The following SYNPR variants were observed in gnomAD, a reference collection of about 807,000 sequenced individuals.
SYNPR encodes the protein synaptoporin.
Under a neutral mutation model 32.9 loss-of-function variants are expected in SYNPR, and 23 were observed. The observed-to-expected ratio is 0.70, with a 90% confidence interval of 0.50 to 0.99. The LOEUF (loss-of-function observed/expected upper bound fraction) is 0.99. Ranked by LOEUF, SYNPR falls within the 50% of genes least tolerant of loss-of-function variation. The probability of loss-of-function intolerance (pLI) is 0.00; values close to 1 mark genes in which losing one functional copy is unlikely to be tolerated. For synonymous variants in SYNPR, 146 were observed against 135.9 expected (o/e 1.07, Z -0.52); for missense variants, 318 against 349.3 (o/e 0.91, Z 0.71).
chr3:63,350,000 G>T (rs1335699047), intron 2 of SYNPR, among the ~76,000 whole-genome samples: 3 of 152,104 alleles, frequency 2.0e-5, no homozygotes, highest in African/African-American at 7.2e-5. Flanking sequence ...TCCTGGCATT[G>T]TATTTCTAAA....
chr3:63,532,560 C>G (rs551652583), intron 3 of SYNPR, among the ~76,000 whole-genome samples: 1 of 152,312 alleles, frequency 6.6e-6, no homozygotes, highest in South Asian at 2.1e-4. Flanking sequence ...TGAGAACAAG[C>G]TGCAGGCTTC....
chr3:63,530,605 G>A (rs1702095017), intron 3 of SYNPR, among the ~76,000 whole-genome samples: 1 of 152,146 alleles, frequency 6.6e-6, no homozygotes, highest in South Asian at 2.1e-4. Context: ...TTCTAGGGGT[G>A]CTTCTCAAGT....
At chr3:63,530,993 C>T (rs144354090) in intron 3 of SYNPR, among the ~76,000 whole-genome samples, 1 of 152,122 alleles carries the variant, frequency 6.6e-6, no homozygotes, top group East Asian at 1.9e-4. Context: ...GACTCCTGGG[C>T]TCTGGTCCTG....
At chr3:63,412,939 C>T (rs2088486810) in intron 2 of SYNPR, among the ~76,000 whole-genome samples, 2 of 152,242 alleles carry the variant, frequency 1.3e-5, no homozygotes, top group South Asian at 4.2e-4. Flanking sequence ...TGAGAAATGT[C>T]ACTCAAATTC....
chr3:63,491,576 AATG>A (rs1198388925), intron 3 of SYNPR, among the ~76,000 whole-genome samples: 1 of 152,128 alleles, frequency 6.6e-6, no homozygotes, highest in Non-Finnish European at 1.5e-5. Flanking sequence ...GCTGGAGGGC[AATG>A]GTGCAATCTG....
At chr3:63,401,032 A>T (rs1303123284) in intron 2 of SYNPR, among the ~76,000 whole-genome samples, 1 of 151,794 alleles carries the variant, frequency 6.6e-6, no homozygotes, top group South Asian at 2.1e-4. Context: ...GATGCAATAC[A>T]CAAAAAAGGT....
intron 2 of SYNPR, among the ~76,000 whole-genome samples, chr3:63,385,912 T>C (rs772919229): frequency 1.3e-5 from 2 of 152,220 alleles, no homozygotes; most frequent in African/African-American, 2.4e-5. Context: ...CTAAAAGTTT[T>C]GCATAGACTA....
intron 2 of SYNPR, among the ~76,000 whole-genome samples, chr3:63,439,916 T>C (rs1700139207): frequency 6.6e-6 from 1 of 152,216 alleles, no homozygotes; most frequent in Non-Finnish European, 1.5e-5. Context: ...CAAATCTTTA[T>C]TGAACACCTA....
intron 3 of SYNPR, among the ~76,000 whole-genome samples, chr3:63,547,800 C>T (rs986638002): frequency 1.3e-5 from 2 of 152,232 alleles, no homozygotes; most frequent in Non-Finnish European, 1.5e-5. Flanking sequence ...CTCCATTTCT[C>T]GGCCCTACTT....
chr3:63,252,246 G>A (rs1307984458), intron 1 of SYNPR, among the ~76,000 whole-genome samples: 1 of 152,094 alleles, frequency 6.6e-6, no homozygotes, highest in African/African-American at 2.4e-5. Flanking sequence ...TAGAGACTGA[G>A]ATGTTTCATT....
At chr3:63,249,048 C>G (rs1477414375) in intron 1 of SYNPR, among the ~76,000 whole-genome samples, 1 of 152,012 alleles carries the variant, frequency 6.6e-6, no homozygotes, top group Non-Finnish European at 1.5e-5. Flanking sequence ...GTGTAATTTG[C>G]CTTCCCAAAC....
intron 2 of SYNPR, among the ~76,000 whole-genome samples, chr3:63,357,817 A>G (rs1160529154): frequency 1.3e-5 from 2 of 152,214 alleles, no homozygotes; most frequent in South Asian, 2.1e-4. Context: ...TTATGCTTAC[A>G]TGAATTAAAA....
intron 4 of SYNPR, among the ~76,000 whole-genome samples, chr3:63,595,752 TATA>T (rs1559546222): frequency 0.013 from 431 of 33,694 alleles, 23 homozygotes; most frequent in East Asian, 0.047. Flanking sequence ...TATATATATA[TATA>T]TATATATATA....
chr3:63,445,213 A>G (rs1388541329), intron 2 of SYNPR, among the ~76,000 whole-genome samples: 2 of 152,192 alleles, frequency 1.3e-5, no homozygotes, highest in Non-Finnish European at 2.9e-5. Flanking sequence ...ATATAAATTA[A>G]TGAAACTTGA....
intron 4 of SYNPR, among the ~76,000 whole-genome samples, chr3:63,604,080 A>G (rs1261294069): frequency 6.6e-6 from 1 of 151,866 alleles, no homozygotes; most frequent in African/African-American, 2.4e-5. Flanking sequence ...ATCTTGGGAA[A>G]TTTCCAGGAA....
At chr3:63,467,387 C>CTATTTTG (rs1371943272) in intron 2 of SYNPR, among the ~76,000 whole-genome samples, 3 of 152,294 alleles carry the variant, frequency 2.0e-5, no homozygotes, top group Non-Finnish European at 4.4e-5. Context: ...CTAGTATTTT[C>CTATTTTG]TAACAGCGAC....
intron 2 of SYNPR, among the ~76,000 whole-genome samples, chr3:63,296,752 T>A (rs62251352): frequency 0.29 from 44,001 of 152,044 alleles, 7,571 homozygotes; most frequent in Non-Finnish European, 0.39. Flanking sequence ...CTCAAATAAT[T>A]AATTCTACTC....
Position 63,473,592 on chromosome 3 carries a change from T to G in SYNPR, c.85-7240T>G, listed in dbSNP as rs139497073. On this transcript the variant is annotated intron_variant, in intron 2 of 5. Transcript: ENST00000478300. The stretch of plus-strand genomic sequence containing the variant: ...AAACACATACCTATATTTAAAAGTC[T>G]GCTCGTGTTAAAAAATAGAATAATG... 4.2e-3 allele frequency among the ~76,000 whole-genome samples: 637 copies of G among 152,308 alleles called. 2 individuals are homozygous for G. Among genetic ancestry groups the G allele is most frequent in the African/African-American group, 0.015 (610 of 41,576 alleles).
chr3:63,265,977 A>G (rs1261041287), intron 2 of SYNPR, among the ~76,000 whole-genome samples: 1 of 152,356 alleles, frequency 6.6e-6, no homozygotes, highest in East Asian at 1.9e-4. Context: ...TTTGCTATAG[A>G]GCAGGAAGAG....
Sources: gnomAD v4.1 joint callset for allele counts (sites outside exome capture counted in the v4.1 genomes callset) on GRCh38, gnomAD v4.1.1 for gene constraint, MANE v1.5 for transcripts, NCBI Gene and HGNC (gene_info 2026-07-23, HGNC 2026-07-21) for gene names.